ABCA2: variants seen among roughly 807,000 people sequenced by gnomAD.
The protein encoded by ABCA2 is ATP-binding cassette sub-family A member 2.
A neutral mutation model predicts 262.8 loss-of-function variants in ABCA2; 84 were observed. The ratio of observed to expected loss-of-function variants is 0.32; its 90% CI spans 0.27 to 0.38. The LOEUF (loss-of-function observed/expected upper bound fraction) is 0.38, where lower values mean the gene tolerates loss of function less well. Among genes scored for constraint, ABCA2 ranks in the 10% least tolerant of loss-of-function variants. The probability of loss-of-function intolerance (pLI) is 1.00; values close to 1 mark genes in which losing one functional copy is unlikely to be tolerated. For synonymous variants in ABCA2, 1,696 were observed against 1,502.9 expected, an observed-to-expected ratio of 1.13 and a Z score of -2.97; for missense variants, 2,662 against 3,405.9, an observed-to-expected ratio of 0.78 and a Z score of 5.44.
intron 1 of ABCA2, among the ~76,000 whole-genome samples, chr9:137,026,227 G>A (rs1002088001): frequency 1.3e-5 from 2 of 152,192 alleles, no homozygotes; most frequent in Non-Finnish European, 2.9e-5. Context: ...AGAGCTTGGA[G>A]GAGCCTGCTA....
At position 137,015,007 on chromosome 9, in the gene ABCA2, G is replaced by A. The variant is rs1831204975; in HGVS notation, c.3788C>T (p.Ala1263Val). ...TGTGTCTGAGACCAGCAGGCAGGAG[G>A]CCACATGCTTGCGGATGAACTGGGA... ...QVSQFIRKHV[A>V]SCLLVSDTST... The change falls in exon 25 of 49, where the codon GCC (alanine) becomes GTC (valine). Residue 1263 changes from alanine to valine, a missense_variant. Transcript: ENST00000341511. 5.6e-6 allele frequency: 9 copies of A among 1,603,596 alleles called. No homozygotes were observed. The highest frequency in any genetic ancestry group is 1.1e-5 in the South Asian group (1 of 89,812).
In ABCA2 at chr9:137,010,336, G is replaced by A. The variant is rs770759670; in HGVS notation, c.6210C>T (p.Ala2070=). The A allele has an allele frequency of 2.2e-5, 35 of 1,583,896 alleles. No individual in the cohort carries two copies. Among genetic ancestry groups the A allele is most frequent in the East Asian group, 9.2e-5 (4 of 43,282 alleles). ...YKSRKIGRIL[A]VDRLCLGVRP... Reference sequence around the variant, plus strand: ...GCACACCCAGGCACAGGCGGTCAACGGCCAGGATACGGCCAATCTTCCGGG... The same window carrying A: ...GCACACCCAGGCACAGGCGGTCAACAGCCAGGATACGGCCAATCTTCCGGG... Residue 2070 remains alanine (A), a synonymous_variant, in exon 41 of 49, where the codon GCC becomes GCT. Transcript: ENST00000341511.
At chr9:137,012,223 A>G in intron 33 of ABCA2, 42 bp downstream of exon 33, 1 of 730,456 alleles carries the variant, frequency 1.4e-6, no homozygotes. Flanking sequence ...CCCCGGCCCC[A>G]GCTCCTCCCC....
intron 9 of ABCA2, 24 bp from the exon 10 acceptor site, chr9:137,020,519 G>A: frequency 1.9e-6 from 3 of 1,566,910 alleles, no homozygotes; most frequent in South Asian, 2.3e-5. Flanking sequence ...CAGGGGGCCG[G>A]GCCAGGCCGT....
intron 1 of ABCA2, among the ~76,000 whole-genome samples, chr9:137,024,541 A>G (rs1274660718): frequency 6.6e-6 from 1 of 152,190 alleles, no homozygotes; most frequent in African/African-American, 2.4e-5. Context: ...TGACCCATGT[A>G]TATCCCAGCT....
rs753506130 is a variant in ABCA2 at position 137,013,953 on chromosome 9, C to T, written c.4326G>A (p.Gly1442=). 1 of 1,612,188 alleles carries T rather than the reference C, an allele frequency of 6.2e-7. No homozygotes were observed. The highest frequency in any genetic ancestry group is 8.5e-7 in the Non-Finnish European group (1 of 1,179,866). ...CGCAGTGGAAGCGTTTGACCAGCAG[C>T]CCGTGGAACTGGCGCACCTTCAGCC... ...GGWLKVRQFH[G]LLVKRFHCAR... Residue 1442 remains glycine, a synonymous_variant, in exon 28 of 49, where the codon GGG becomes GGA. Transcript: ENST00000341511.
Position 137,013,072 on chromosome 9 carries a change from A to G in ABCA2, c.4797T>C (p.Ser1599=). 7.5e-7 allele frequency: 1 copy of G among 1,333,424 alleles called. No individual in the cohort carries two copies. Among genetic ancestry groups the G allele is most frequent in the East Asian group, 3.2e-5 (1 of 31,592 alleles). The allele number at this position is 1,333,424 out of a possible 1,614,324, so 82.6% of individuals were successfully genotyped here. The change falls in exon 30 of 49, where the codon TCT becomes TCC. Residue 1599 remains serine, a synonymous_variant. Coordinates refer to ENST00000341511, the MANE Select transcript of ABCA2 (RefSeq NM_001606.5). ...FVPPPPSPAP[S]DSPASPDEDL... ...CCTCATCCGGGGACGCTGGCGAGTC[A>G]GATGGGGCGGGCGAGGGTGGGGGTG...
At chr9:137,020,188 C>A (rs966704979) in intron 10 of ABCA2, 148 bp downstream of exon 10, 17 of 1,042,134 alleles carry the variant, frequency 1.6e-5, no homozygotes, top group Admixed American at 2.4e-5. Context: ...CCTGGTCCCC[C>A]ACCTGCAGAG....
Position 137,021,781 on chromosome 9 carries a change from C to G in ABCA2, c.678+110G>C. On this transcript the variant is annotated intron_variant, in intron 7 of 48. Transcript: ENST00000341511. The surrounding 1 kb of genome is among the most constrained non-coding windows in gnomAD (Gnocchi z 6.0). ...TAGACCCCTGGGACCCTCCCCCTCT[C>G]CCAGGAGGAGCTCCAAGTCACCAAA... The G allele has an allele frequency of 7.8e-7, 1 of 1,278,032 alleles. No homozygotes were observed. The allele number at this position is 1,278,032 out of a possible 1,614,324, so 79.2% of individuals were successfully genotyped here. A position where few individuals can be genotyped will look rare whatever the true frequency, so the allele number is the denominator to read the frequency against.
intron 28 of ABCA2, 63 bp from the exon 29 acceptor site, chr9:137,013,626 C>T (rs1331679041): frequency 8.0e-6 from 12 of 1,500,174 alleles, no homozygotes; most frequent in East Asian, 4.7e-5. Context: ...CCCCAAGCCT[C>T]GGTCCCCTTC....
upstream of ABCA2, chr9:137,028,887 G>T: frequency 7.6e-7 from 1 of 1,324,426 alleles, no homozygotes; most frequent in Non-Finnish European, 1.0e-6. This position sits in a 1 kb window ranked among gnomAD's most constrained non-coding sequence, Gnocchi z 6.9. Context: ...GGGCGAGTCT[G>T]GTCTCTGCAC....
rs774462817 is a variant in ABCA2, at chr9:137,012,731, C to T, written c.5062G>A (p.Asp1688Asn). 38 of 1,612,524 alleles carry T rather than the reference C, an allele frequency of 2.4e-5. No individual in the cohort carries two copies. The highest frequency in any genetic ancestry group is 6.6e-5 in the South Asian group (6 of 91,054). ...NVSEYLLFTS[D>N]RFRLHRYGAI... Reference sequence around the variant, plus strand: ...GCTCACCGGTGCAGTCGGAAGCGGTCGGAGGTGAAGAGCAGGTACTCAGAG... The same window carrying T: ...GCTCACCGGTGCAGTCGGAAGCGGTTGGAGGTGAAGAGCAGGTACTCAGAG... Residue 1688 changes from aspartate (D) to asparagine (N), a missense_variant, in exon 31 of 49, where the codon GAC becomes AAC. Asp to Asn is a conservative substitution (Grantham distance 23). Coordinates refer to ENST00000341511, the MANE Select transcript of ABCA2 (RefSeq NM_001606.5).
Position 137,013,318 on chromosome 9 carries a change from C to T in ABCA2, c.4551G>A (p.Arg1517=), listed in dbSNP as rs966833830. The change falls in exon 30 of 49, where the codon CGG becomes CGA. Residue 1517 remains arginine, a splice_region_variant and synonymous_variant. Coordinates refer to ENST00000341511, the MANE Select transcript of ABCA2 (RefSeq NM_001606.5). Reference sequence around the variant, plus strand: ...GGCTGGCGTCGGGCGATAGCCGCAGCCTGCGGGCACCGACAGTGTGAGGTG... The same window carrying T: ...GGCTGGCGTCGGGCGATAGCCGCAGTCTGCGGGCACCGACAGTGTGAGGTG... ...PYANEERREY[R]LRLSPDASPQ... is the part of the protein sequence containing the mutation. The T allele has an allele frequency of 1.3e-6, 2 of 1,542,238 alleles. No homozygotes were observed. Among genetic ancestry groups the T allele is most frequent in the Non-Finnish European group, 8.7e-7 (1 of 1,150,784 alleles).
chr9:137,015,353 T>C lies in ABCA2; in HGVS notation c.3697+61A>G, dbSNP rs1275631410. 1.5e-5 allele frequency: 22 copies of C among 1,496,164 alleles called. 2 individuals are homozygous for C. In the Admixed American group the frequency reaches 4.6e-4, roughly 31 times the overall value. 92.7% of individuals were successfully genotyped at this position (1,496,164 alleles called of 1,614,324 possible). A position where few individuals can be genotyped will look rare whatever the true frequency, so the allele number is the denominator to read the frequency against. ...GGCCCAGCCTCTCCATTGTGGATTC[T>C]CAGGTGGGGGTCCCGGGGAGAAGGT... On this transcript the variant is annotated intron_variant, in intron 24 of 48. Transcript: ENST00000341511.
chr9:137,011,582 C>G lies in ABCA2; in HGVS notation c.5652-28G>C. ...GCGGGCAGGTGGCGGGCAGTGGTCACCAGGCAGCCCCGGTCCCACCTGAGG... is the reference window on the plus strand; with the variant it reads ...GCGGGCAGGTGGCGGGCAGTGGTCAGCAGGCAGCCCCGGTCCCACCTGAGG... On this transcript the variant is annotated intron_variant, in intron 36 of 48. Transcript: ENST00000341511. The surrounding 1 kb of genome is among the most constrained non-coding windows in gnomAD (Gnocchi z 8.8). The G allele has an allele frequency of 6.4e-7, 1 of 1,560,848 alleles. No homozygotes were observed. The highest frequency in any genetic ancestry group is 8.7e-7 in the Non-Finnish European group (1 of 1,152,810).
At position 137,011,256 on chromosome 9, in the gene ABCA2, G is replaced by A; in HGVS notation, c.5853C>T (p.Asn1951=). Residue 1951 remains asparagine (N), a synonymous_variant, in exon 38 of 49, where the codon AAC becomes AAT. Coordinates refer to ENST00000341511, the MANE Select transcript of ABCA2 (RefSeq NM_001606.5). The surrounding 1 kb of genome is among the most constrained non-coding windows in gnomAD (Gnocchi z 8.8). ...YLKSCFLIFP[N]YNLGHGLMEM... ...CCATGAGCCCGTGGCCCAGGTTGTA[G>A]TTGGGGAAAATGAGGAAGCAGCTTT... 3 of 1,612,622 alleles carry A rather than the reference G, an allele frequency of 1.9e-6. No homozygotes were observed. The highest frequency in any genetic ancestry group is 1.7e-6 in the Non-Finnish European group (2 of 1,179,860).
Position 137,010,077 on chromosome 9 carries a change from G to A in ABCA2, c.6401C>T (p.Pro2134Leu), listed in dbSNP as rs1453772924. ...LQVQQSLGYCPQCDALFDELT... is the reference protein window; with the variant it reads ...LQVQQSLGYCLQCDALFDELT... ...CTCGTCGAACAGCGCGTCACACTGC[G>A]GGCAGTAGCCGAGGCTCTGCTGCAC... The change falls in exon 42 of 49, where the codon CCG (proline) becomes CTG (leucine). Residue 2134 changes from proline to leucine, a missense_variant. Transcript: ENST00000341511. The A allele has an allele frequency of 3.1e-6, 5 of 1,599,764 alleles. No individual in the cohort carries two copies. Among genetic ancestry groups the A allele is most frequent in the African/African-American group, 1.3e-5 (1 of 74,900 alleles).
At position 137,017,494 on chromosome 9, in the gene ABCA2, G is replaced by C. The variant is rs745899324; in HGVS notation, c.2402+8C>G. 5 of 1,604,820 alleles carry C rather than the reference G, an allele frequency of 3.1e-6. No homozygotes were observed. The highest frequency in any genetic ancestry group is 4.3e-6 in the Non-Finnish European group (5 of 1,173,760). On this transcript the variant is annotated splice_region_variant and intron_variant, in intron 17 of 48. Transcript: ENST00000341511. Reference sequence around the variant, plus strand: ...CCCCAGGTCCCTCCTACCATGGCCCGCGCTCACCAGAACATGATGGTGGCC... The same window carrying C: ...CCCCAGGTCCCTCCTACCATGGCCCCCGCTCACCAGAACATGATGGTGGCC...
chr9:137,028,206 C>A lies in ABCA2; in HGVS notation c.-66G>T, dbSNP rs1831728297. 1 of 977,312 alleles carries A rather than the reference C, an allele frequency of 1.0e-6. No individual in the cohort carries two copies. The highest frequency in any genetic ancestry group is 1.8e-5 in the African/African-American group (1 of 56,278). The allele number at this position is 977,312 out of a possible 1,614,324, so 60.5% of individuals were successfully genotyped here. ...CCTCTGCGCGCCCCGCCGGGCCCCG[C>A]AGCCCGCCGCGCCGCTGGGCATCGC... On this transcript the variant is annotated 5_prime_UTR_variant, in exon 1 of 49. Coordinates refer to ENST00000341511, the MANE Select transcript of ABCA2 (RefSeq NM_001606.5). This position sits in a 1 kb window ranked among gnomAD's most constrained non-coding sequence, Gnocchi z 6.9.
Sources: allele counts gnomAD v4.1 joint callset (sites outside exome capture counted in the v4.1 genomes callset), GRCh38; gene constraint gnomAD v4.1.1; non-coding constraint Gnocchi (gnomAD v3.1); transcripts MANE v1.5; gene names NCBI Gene and HGNC (gene_info 2026-07-23, HGNC 2026-07-21).